The following SAMHD1 variants were observed in gnomAD, a reference collection of about 807,000 sequenced individuals.
SAMHD1 encodes SAM and HD domain containing deoxynucleoside triphosphate triphosphohydrolase 1.
Under a neutral mutation model 79.6 loss-of-function variants are expected in SAMHD1, and 54 were observed. That is an observed-to-expected ratio of 0.68 (90% confidence interval 0.55 to 0.85). The LOEUF (loss-of-function observed/expected upper bound fraction) is 0.85, where lower values mean the gene tolerates loss of function less well. Ranked by LOEUF, SAMHD1 falls within the 40% of genes least tolerant of loss-of-function variation. The probability of loss-of-function intolerance (pLI) is 0.00; values close to 1 mark genes in which losing one functional copy is unlikely to be tolerated. For synonymous variants in SAMHD1, 260 were observed against 264.1 expected, an observed-to-expected ratio of 0.98 and a Z score of 0.15; for missense variants, 663 against 782.7, an observed-to-expected ratio of 0.85 and a Z score of 1.82.
Position 36,904,202 on chromosome 20 carries a change from T to C in SAMHD1, c.1458A>G (p.Lys486=). Residue 486 remains lysine, a synonymous_variant, in exon 13 of 16, where the codon AAA becomes AAG. Transcript: ENST00000646673. ...LPKEVASAKP[K]VLLDVKLKAE... ...CCTTCAGTTTCACGTCTAGCAATACTTTGGGTTTAGCACTGGCAACCTCTT... is the reference window on the plus strand; with the variant it reads ...CCTTCAGTTTCACGTCTAGCAATACCTTGGGTTTAGCACTGGCAACCTCTT... 2 of 1,613,896 alleles carry C rather than the reference T, an allele frequency of 1.2e-6. No individual in the cohort carries two copies. The highest frequency in any genetic ancestry group is 1.7e-6 in the Non-Finnish European group (2 of 1,179,818).
intron 15 of SAMHD1, among the ~76,000 whole-genome samples, chr20:36,894,817 AAAATCAAC>A (rs1191715769): frequency 6.6e-6 from 1 of 151,972 alleles, no homozygotes; most frequent in African/African-American, 2.4e-5. Context: ...GGCCTATCTC[AAAATCAAC>A]AGTATTTATT....
intron 3 of SAMHD1, among the ~76,000 whole-genome samples, chr20:36,937,911 GC>G (rs1286396331): frequency 3.2e-4 from 47 of 146,118 alleles, no homozygotes; most frequent in Middle Eastern, 3.5e-3. Context: ...AGGCTGGAGT[GC>G]AGCGGCGTGA....
rs772058230 is a variant in SAMHD1 at position 36,900,053 on chromosome 20, CA to C, written c.1504-1510del. Among the ~76,000 whole-genome samples, 7 of 148,854 alleles carry C rather than the reference CA, an allele frequency of 4.7e-5. No individual in the cohort carries two copies. In the South Asian group the frequency reaches 6.4e-4, roughly 14 times the overall value. Reference sequence around the variant, plus strand: ...AGGTTGCAGTGAGCCGAGATCGTGCCACCGTACTCCAACCTGGGTGACACAG... The same window carrying C: ...AGGTTGCAGTGAGCCGAGATCGTGCCCCGTACTCCAACCTGGGTGACACAG... On this transcript the variant is annotated intron_variant, in intron 13 of 15. Coordinates refer to ENST00000646673, the MANE Select transcript of SAMHD1 (RefSeq NM_015474.4).
At chr20:36,928,113 G>A (rs1289816291) in intron 5 of SAMHD1, among the ~76,000 whole-genome samples, 2 of 152,248 alleles carry the variant, frequency 1.3e-5, no homozygotes, top group Non-Finnish European at 2.9e-5. Flanking sequence ...AGGGCCAGGT[G>A]TGGTGGCTCA....
rs564844420 is a variant in SAMHD1 at position 36,927,479 on chromosome 20, A to G, written c.626-227T>C. On this transcript the variant is annotated intron_variant, in intron 5 of 15. Transcript: ENST00000646673. ...ATTACAGGCGTGTGCAACCACATCC[A>G]GCTAATTTTGTATTTTTAGTAGAGA... Among the ~76,000 whole-genome samples, 14 of 151,966 alleles carry G rather than the reference A, an allele frequency of 9.2e-5. No homozygotes were observed. In the East Asian group the frequency reaches 2.1e-3, roughly 23 times the overall value.
Position 36,912,555 on chromosome 20 carries a change from G to A in SAMHD1, c.1063-3C>T. On this transcript the variant is annotated splice_region_variant and splice_polypyrimidine_tract_variant and intron_variant, in intron 9 of 15. Coordinates refer to ENST00000646673, the MANE Select transcript of SAMHD1 (RefSeq NM_015474.4). ...ATGTCATACAGATTTCCAACTTCCT[G>A]CAGGAAAACATGAAGTAAATATTAA... The A allele has an allele frequency of 1.3e-6, 2 of 1,593,510 alleles. No individual in the cohort carries two copies. Among genetic ancestry groups the A allele is most frequent in the African/African-American group, 1.3e-5 (1 of 74,526 alleles).
chr20:36,928,456 G>A (rs2063549317), intron 5 of SAMHD1, among the ~76,000 whole-genome samples: 1 of 152,118 alleles, frequency 6.6e-6, no homozygotes, highest in African/African-American at 2.4e-5. Flanking sequence ...GGAGGCCGAG[G>A]CGGGTAGATC....
At chr20:36,935,869 C>T (rs1471751270) in intron 3 of SAMHD1, among the ~76,000 whole-genome samples, 1 of 152,084 alleles carries the variant, frequency 6.6e-6, no homozygotes. Context: ...CCGTGCCCGG[C>T]CTAAATTTTT....
At chr20:36,905,579 G>T in intron 11 of SAMHD1, 76 bp from the exon 12 acceptor site, 1 of 1,277,656 alleles carries the variant, frequency 7.8e-7, no homozygotes, top group Non-Finnish European at 1.1e-6. Context: ...CTATTCTATT[G>T]AAATGATCTT....
At chr20:36,912,398 G>A in intron 10 of SAMHD1, 63 bp downstream of exon 10, 1 of 967,564 alleles carries the variant, frequency 1.0e-6, no homozygotes, top group Non-Finnish European at 1.7e-6. Context: ...GTTGAGCCTA[G>A]TATGATACTC....
rs754810703 is a variant in SAMHD1, at chr20:36,905,386, G to A, written c.1388C>T (p.Thr463Ile). The change falls in exon 12 of 16, where the codon ACA (threonine) becomes ATA (isoleucine). Residue 463 changes from threonine to isoleucine, a missense_variant. Transcript: ENST00000646673. ...LFKYVGETQPTGQIKIKREDY... is the reference protein window; with the variant it reads ...LFKYVGETQPIGQIKIKREDY... Reference sequence around the variant, plus strand: ...CACCCTTTTAATCTTTATTTGTCCTGTTGGCTGCGTCTCACCCACATACTT... The same window carrying A: ...CACCCTTTTAATCTTTATTTGTCCTATTGGCTGCGTCTCACCCACATACTT... 2 of 1,614,014 alleles carry A rather than the reference G, an allele frequency of 1.2e-6. No individual in the cohort carries two copies. The highest frequency in any genetic ancestry group is 2.2e-5 in the South Asian group (2 of 91,076).
intron 13 of SAMHD1, among the ~76,000 whole-genome samples, chr20:36,900,596 G>T (rs1167845596): frequency 7.0e-6 from 1 of 143,538 alleles, no homozygotes; most frequent in Non-Finnish European, 1.5e-5. Context: ...TTGATATGGA[G>T]TTTCTGTGTC....
At chr20:36,897,376 C>T (rs1279409597) in intron 15 of SAMHD1, among the ~76,000 whole-genome samples, 1 of 152,160 alleles carries the variant, frequency 6.6e-6, no homozygotes. Context: ...TGGCTTGGCT[C>T]CTCTTCCCTC....
In SAMHD1 at chr20:36,892,581, A is replaced by T; in HGVS notation, c.*351T>A. 3.1e-6 allele frequency: 1 copy of T among 317,546 alleles called. No individual in the cohort carries two copies. 19.7% of individuals were successfully genotyped at this position (317,546 alleles called of 1,614,324 possible). Reference sequence around the variant, plus strand: ...TGAGGCAGGAGGGTCGCTTGAGCCCAGGAAAGTTCGAGTCCAAGCTGGGCA... The same window carrying T: ...TGAGGCAGGAGGGTCGCTTGAGCCCTGGAAAGTTCGAGTCCAAGCTGGGCA... On this transcript the variant is annotated 3_prime_UTR_variant, in exon 16 of 16. Coordinates refer to ENST00000646673, the MANE Select transcript of SAMHD1 (RefSeq NM_015474.4).
chr20:36,912,262 G>A (rs1432033311), intron 10 of SAMHD1, 199 bp downstream of exon 10: 1 of 556,906 alleles, frequency 1.8e-6, no homozygotes, highest in South Asian at 2.0e-5. Flanking sequence ...CCCTCCATCT[G>A]CCCCTTTATC....
intron 15 of SAMHD1, 97 bp downstream of exon 15, chr20:36,897,725 A>G (rs1990222295): frequency 2.2e-6 from 3 of 1,353,524 alleles, no homozygotes; most frequent in African/African-American, 1.4e-5. Flanking sequence ...CCAAATGACT[A>G]TAACTTAAAT....
At chr20:36,912,260 C>G in intron 10 of SAMHD1, 1 of 556,038 alleles carries the variant, frequency 1.8e-6, no homozygotes, top group South Asian at 2.0e-5. Flanking sequence ...TTCCCTCCAT[C>G]TGCCCCTTTA....
chr20:36,936,828 T>C lies in SAMHD1; in HGVS notation c.349-1639A>G, dbSNP rs188469691. ...CTGGAACTATACCACGCCTGGCTAA[T>C]TTTTCTTTTTTTGGTAGAGATGGGG... On this transcript the variant is annotated intron_variant, in intron 3 of 15. Transcript: ENST00000646673. 3.3e-4 allele frequency among the ~76,000 whole-genome samples: 50 copies of C among 152,152 alleles called. 1 individual carries two copies. In the East Asian group the frequency reaches 4.8e-3, roughly 15 times the overall value.
At chr20:36,932,988 T>TGCACTTCCA (rs1358079551) in intron 4 of SAMHD1, among the ~76,000 whole-genome samples, 2 of 152,170 alleles carry the variant, frequency 1.3e-5, no homozygotes, top group Non-Finnish European at 2.9e-5. Flanking sequence ...AGTACTTAAA[T>TGCACTTCCA]GCACTTCCAG....
Sources: allele counts gnomAD v4.1 joint callset (sites outside exome capture counted in the v4.1 genomes callset), GRCh38; gene constraint gnomAD v4.1.1; transcripts MANE v1.5; gene names NCBI Gene and HGNC (gene_info 2026-07-23, HGNC 2026-07-21).